The following ZCCHC7 variants were observed in gnomAD, a reference collection of about 807,000 sequenced individuals.
ZCCHC7 encodes the protein zinc finger CCHC domain-containing protein 7.
A neutral mutation model predicts 52.0 loss-of-function variants in ZCCHC7; 35 were observed. The observed-to-expected ratio is 0.67, with a 90% confidence interval of 0.51 to 0.89. The LOEUF (loss-of-function observed/expected upper bound fraction) is 0.89. ZCCHC7 is among the 40% of genes least tolerant of loss of function. ZCCHC7 has a pLI of 0.00. For synonymous variants in ZCCHC7, 217 were observed against 221.5 expected (o/e 0.98, Z 0.18); for missense variants, 574 against 649.1 (o/e 0.88, Z 1.26).
chr9:37,151,631 C>G (rs576422177), intron 2 of ZCCHC7, among the ~76,000 whole-genome samples: 1 of 152,006 alleles, frequency 6.6e-6, no homozygotes, highest in Admixed American at 6.5e-5. Flanking sequence ...ATGGTGAAAC[C>G]CTGTTTCTAC....
intron 2 of ZCCHC7, among the ~76,000 whole-genome samples, chr9:37,247,952 C>T (rs1826151305): frequency 6.6e-6 from 1 of 150,996 alleles, no homozygotes; most frequent in Non-Finnish European, 1.5e-5. Flanking sequence ...AGCTGGAAAT[C>T]AAGGATATAT....
intron 2 of ZCCHC7, among the ~76,000 whole-genome samples, chr9:37,252,489 C>T (rs986412231): frequency 2.6e-5 from 4 of 152,104 alleles, no homozygotes; most frequent in Non-Finnish European, 4.4e-5. Flanking sequence ...TTAATTTCAT[C>T]CCTTCTATTG....
intron 2 of ZCCHC7, among the ~76,000 whole-genome samples, chr9:37,296,901 G>GTGTT (rs1828812294): frequency 6.6e-6 from 1 of 150,692 alleles, no homozygotes; most frequent in African/African-American, 2.4e-5. Flanking sequence ...GTGTGTGTGT[G>GTGTT]TGTGTGTGTG....
At position 37,126,311 on chromosome 9, in the gene ZCCHC7, G is replaced by C; in HGVS notation, c.-21-1G>C. On this transcript the variant is annotated splice_acceptor_variant, in intron 1 of 8. Coordinates refer to ENST00000336755, the MANE Select transcript of ZCCHC7 (RefSeq NM_032226.3). LOFTEE classifies it low-confidence loss of function (5UTR_SPLICE). ...TCTGTGTACAACTTTCTCTTTTGCA[G>C]CTTCAAGGTTACTGACTTTTTATGA... 6.3e-7 allele frequency: 1 copy of C among 1,597,830 alleles called. No homozygotes were observed. Among genetic ancestry groups the C allele is most frequent in the Admixed American group, 1.7e-5 (1 of 57,704 alleles).
intron 2 of ZCCHC7, among the ~76,000 whole-genome samples, chr9:37,260,712 C>A (rs1000095712): frequency 6.6e-6 from 1 of 152,182 alleles, no homozygotes; most frequent in African/African-American, 2.4e-5. Context: ...TGGTAGTTTT[C>A]ATGCAGGTAT....
At chr9:37,273,538 T>A (rs1430655844) in intron 2 of ZCCHC7, among the ~76,000 whole-genome samples, 1 of 152,198 alleles carries the variant, frequency 6.6e-6, no homozygotes, top group Non-Finnish European at 1.5e-5. Context: ...TCCTGACACC[T>A]ACTCTTAGAG....
chr9:37,232,414 G>A (rs926340960), intron 2 of ZCCHC7, among the ~76,000 whole-genome samples: 6 of 152,200 alleles, frequency 3.9e-5, no homozygotes, highest in Non-Finnish European at 7.3e-5. Context: ...CCAGGAAATT[G>A]ATTTCTACAG....
intron 6 of ZCCHC7, among the ~76,000 whole-genome samples, chr9:37,344,268 CTTT>C (rs752170355): frequency 4.6e-5 from 7 of 152,122 alleles, no homozygotes; most frequent in Non-Finnish European, 7.4e-5. Context: ...GTGGATGATC[CTTT>C]TTATCATCAC....
At chr9:37,247,970 A>T (rs1347369761) in intron 2 of ZCCHC7, among the ~76,000 whole-genome samples, 2 of 152,104 alleles carry the variant, frequency 1.3e-5, no homozygotes, top group Admixed American at 1.3e-4. Context: ...TATTTTCATC[A>T]TCTCTTCACT....
At chr9:37,262,654 A>G (rs1452713786) in intron 2 of ZCCHC7, among the ~76,000 whole-genome samples, 1 of 152,200 alleles carries the variant, frequency 6.6e-6, no homozygotes, top group Non-Finnish European at 1.5e-5. Flanking sequence ...AGGGAAAATC[A>G]TACATTTTGC....
intron 2 of ZCCHC7, among the ~76,000 whole-genome samples, chr9:37,283,295 A>C (rs1828059090): frequency 6.6e-6 from 1 of 152,156 alleles, no homozygotes; most frequent in Non-Finnish European, 1.5e-5. Flanking sequence ...GTTGTAGAAA[A>C]ATGTATATAA....
intron 2 of ZCCHC7, among the ~76,000 whole-genome samples, chr9:37,158,032 A>G (rs558078588): frequency 9.2e-5 from 14 of 152,226 alleles, no homozygotes; most frequent in Non-Finnish European, 1.6e-4. Context: ...CTTGGTAAGG[A>G]TGTACTTCAA....
chr9:37,280,376 T>C lies in ZCCHC7; in HGVS notation c.611-21812T>C, dbSNP rs531736876. On this transcript the variant is annotated intron_variant, in intron 2 of 8. Coordinates refer to ENST00000336755, the MANE Select transcript of ZCCHC7 (RefSeq NM_032226.3). ...AAGATCAGAGTAATACTGTATGTAA[T>C]ACCACCCACCTTGACATAATTGGCA... 4.6e-5 allele frequency among the ~76,000 whole-genome samples: 7 copies of C among 152,322 alleles called. No homozygotes were observed. In the East Asian group the frequency reaches 9.6e-4, roughly 21 times the overall value.
chr9:37,128,498 C>G (rs1178405399), intron 2 of ZCCHC7, among the ~76,000 whole-genome samples: 1 of 152,122 alleles, frequency 6.6e-6, no homozygotes. Context: ...TTGTGGACCA[C>G]CCATGGTTGT....
At chr9:37,206,399 C>T (rs1447669013) in intron 2 of ZCCHC7, among the ~76,000 whole-genome samples, 2 of 151,784 alleles carry the variant, frequency 1.3e-5, no homozygotes, top group Non-Finnish European at 2.9e-5. Context: ...CCTCTGTTGC[C>T]CAGGCTGGAG....
intron 7 of ZCCHC7, among the ~76,000 whole-genome samples, chr9:37,353,227 C>G (rs1398803782): frequency 1.3e-5 from 2 of 152,092 alleles, no homozygotes; most frequent in Non-Finnish European, 2.9e-5. Flanking sequence ...CAGACTGACT[C>G]AAGAAGAACA....
At chr9:37,120,991 A>G (rs1211676239) in intron 1 of ZCCHC7, 1 of 153,544 alleles carries the variant, frequency 6.5e-6, no homozygotes, top group Admixed American at 6.5e-5. Flanking sequence ...GCGCGCCGAG[A>G]GAGAGTCCAG....
rs34953424 is a variant in ZCCHC7 at position 37,316,868 on chromosome 9, C to CTTTTTT, written c.952-10921_952-10916dup. ...TACTGGTGGGATTTCACATAAGCCT[C>CTTTTTT]TTTTTTTTTTTTTTTAATATACCAA... On this transcript the variant is annotated intron_variant, in intron 5 of 8. Coordinates refer to ENST00000336755, the MANE Select transcript of ZCCHC7 (RefSeq NM_032226.3). Among the ~76,000 whole-genome samples the CTTTTTT allele has an allele frequency of 2.0e-4, 28 of 140,302 alleles. 1 individual carries two copies. The highest frequency in any genetic ancestry group is 9.1e-4 in the South Asian group (4 of 4,404). The allele number at this position is 140,302 out of a possible 152,430, so 92.0% of individuals were successfully genotyped here. A position where few individuals can be genotyped will look rare whatever the true frequency, so the allele number is the denominator to read the frequency against.
At chr9:37,295,335 A>G (rs1408434335) in intron 2 of ZCCHC7, among the ~76,000 whole-genome samples, 2 of 152,214 alleles carry the variant, frequency 1.3e-5, no homozygotes, top group African/African-American at 4.8e-5. Flanking sequence ...AGGCCAAATC[A>G]TGAAAGTAAA....
Sources: gnomAD v4.1 joint callset for allele counts (sites outside exome capture counted in the v4.1 genomes callset) on GRCh38, gnomAD v4.1.1 for gene constraint, MANE v1.5 for transcripts, NCBI Gene and HGNC (gene_info 2026-07-23, HGNC 2026-07-21) for gene names.